FAM124A: variants seen among roughly 807,000 people sequenced by gnomAD.
The protein encoded by FAM124A is family with sequence similarity 124 member A, also known as protein FAM124A.
In FAM124A, 23 loss-of-function variants were observed where a neutral mutation model predicts 24.5. That is an observed-to-expected ratio of 0.94 (90% confidence interval 0.68 to 1.33). FAM124A has a LOEUF of 1.33. FAM124A is among the 40% of genes most tolerant of loss of function. The pLI is 0.00. For synonymous variants in FAM124A, 287 were observed against 314.7 expected (o/e 0.91, Z 0.93); for missense variants, 623 against 722.8 (o/e 0.86, Z 1.58).
intron 2 of FAM124A, among the ~76,000 whole-genome samples, chr13:51,233,516 A>G (rs1954401078): frequency 1.4e-5 from 2 of 144,384 alleles, no homozygotes; most frequent in South Asian, 4.8e-4. Flanking sequence ...CTATGGTTCC[A>G]TTAATAAGGA....
In FAM124A at chr13:51,281,121, C is replaced by T. The variant is rs541454271; in HGVS notation, c.1506C>T (p.Ser502=). The change falls in exon 4 of 4, where the codon AGC becomes AGT. Residue 502 remains serine, a synonymous_variant. Coordinates refer to ENST00000322475, the MANE Select transcript of FAM124A (RefSeq NM_001242312.2). ...CTCGTGCTGCTCCCCCAGCTCCCAG[C>T]ACCTCCACCCTCACAGACTCCTCCC... ...ATARAAPPAP[S]TSTLTDSSPQ... 2 of 1,614,120 alleles carry T rather than the reference C, an allele frequency of 1.2e-6. No homozygotes were observed. The highest frequency in any genetic ancestry group is 2.2e-5 in the South Asian group (2 of 91,080).
At chr13:51,255,698 G>T (rs1954668055) in intron 3 of FAM124A, among the ~76,000 whole-genome samples, 1 of 152,080 alleles carries the variant, frequency 6.6e-6, no homozygotes, top group Non-Finnish European at 1.5e-5. Context: ...CACAGCAGGG[G>T]ACTCACAAGG....
chr13:51,227,090 T>G (rs1954322435), intron 1 of FAM124A, among the ~76,000 whole-genome samples: 1 of 152,208 alleles, frequency 6.6e-6, no homozygotes, highest in Non-Finnish European at 1.5e-5. Context: ...AACTTAGAGT[T>G]TTATTTAATA....
At chr13:51,259,933 G>T (rs758697800) in intron 3 of FAM124A, among the ~76,000 whole-genome samples, 20 of 152,336 alleles carry the variant, frequency 1.3e-4, no homozygotes, top group Non-Finnish European at 2.5e-4. Context: ...GCTGGTAGGG[G>T]TGTGTGCAGG....
At chr13:51,280,307 T>A (rs1337353046) in intron 3 of FAM124A, 143 bp from the exon 4 acceptor site, 3 of 751,826 alleles carry the variant, frequency 4.0e-6, no homozygotes, top group Non-Finnish European at 6.3e-6. Flanking sequence ...CTGTCTTTGC[T>A]CTAGAGATTG....
intron 2 of FAM124A, among the ~76,000 whole-genome samples, chr13:51,250,112 TA>T (rs1438323695): frequency 9.9e-5 from 15 of 152,252 alleles, no homozygotes; most frequent in African/African-American, 3.6e-4. Flanking sequence ...TTGATCTGAT[TA>T]AATTAAAACC....
rs542894270 is a variant in FAM124A, at chr13:51,264,637, TA to T, written c.834+12449del. Among the ~76,000 whole-genome samples, 921 of 146,052 alleles carry T rather than the reference TA, an allele frequency of 6.3e-3. 9 individuals are homozygous for T. Among genetic ancestry groups the T allele is most frequent in the South Asian group, 0.029 (136 of 4,628 alleles). On this transcript the variant is annotated intron_variant, in intron 3 of 3. Coordinates refer to ENST00000322475, the MANE Select transcript of FAM124A (RefSeq NM_001242312.2). ...ACAACACAGCAAGACCATATCTCTT[TA>T]AAAAAAAAAAAATTGCATACACTGT... is the stretch of plus-strand genomic sequence containing the variant.
intron 2 of FAM124A, among the ~76,000 whole-genome samples, chr13:51,243,007 G>T (rs4942983): frequency 6.6e-6 from 1 of 152,072 alleles, no homozygotes; most frequent in Non-Finnish European, 1.5e-5. Context: ...CCTAGGTTCA[G>T]TTCTTCAATT....
In FAM124A at chr13:51,280,808, G is replaced by A; in HGVS notation, c.1193G>A (p.Gly398Asp). ...CACAGGGCATCAGAGTGGAGGCATG[G>A]CCACCTCCTCTCCATCGATGACCTA... is the stretch of plus-strand genomic sequence containing the variant. ...PGHRASEWRHGHLLSIDDLEG... is the reference protein window; with the variant it reads ...PGHRASEWRHDHLLSIDDLEG... Residue 398 changes from glycine to aspartate, a missense_variant, in exon 4 of 4, where the codon GGC becomes GAC. Gly to Asp is a moderately conservative substitution (Grantham distance 94). Coordinates refer to ENST00000322475, the MANE Select transcript of FAM124A (RefSeq NM_001242312.2). 1 of 1,614,090 alleles carries A rather than the reference G, an allele frequency of 6.2e-7. No individual in the cohort carries two copies. Among genetic ancestry groups the A allele is most frequent in the Middle Eastern group, 1.6e-4 (1 of 6,062 alleles).
rs1954617942 is a variant in FAM124A at position 51,251,405 on chromosome 13, G to A, written c.101-63G>A. 1.4e-6 allele frequency: 2 copies of A among 1,470,686 alleles called. No homozygotes were observed. Among genetic ancestry groups the A allele is most frequent in the Admixed American group, 2.4e-5 (1 of 41,204 alleles). The allele number at this position is 1,470,686 out of a possible 1,614,324, so 91.1% of individuals were successfully genotyped here. On this transcript the variant is annotated intron_variant, in intron 2 of 3. Transcript: ENST00000322475. This position sits in a 1 kb window ranked among gnomAD's most constrained non-coding sequence, Gnocchi z 5.3. The stretch of plus-strand genomic sequence containing the variant: ...GTCAAGCCTGTACACGTCATCACTG[G>A]ACACTTTAATGAAATAATCATAATT...
At chr13:51,222,696 A>G in intron 1 of FAM124A, 127 bp downstream of exon 1, 1 of 973,834 alleles carries the variant, frequency 1.0e-6, no homozygotes, top group Non-Finnish European at 1.3e-6. Context: ...CTCCTGCCGG[A>G]TCCCCCGCTC....
chr13:51,238,434 ATC>A (rs953610100), intron 2 of FAM124A, among the ~76,000 whole-genome samples: 3 of 152,328 alleles, frequency 2.0e-5, no homozygotes, highest in African/African-American at 7.2e-5. Context: ...GCTTATCTGA[ATC>A]TCTTACTTTT....
At chr13:51,240,775 T>C (rs1017622814) in intron 2 of FAM124A, among the ~76,000 whole-genome samples, 1 of 152,246 alleles carries the variant, frequency 6.6e-6, no homozygotes, top group African/African-American at 2.4e-5. Flanking sequence ...GAACTTCATC[T>C]TGAGCTGCCG....
In FAM124A at chr13:51,249,554, C is replaced by T. The variant is rs765295531; in HGVS notation, c.101-1914C>T. Among the ~76,000 whole-genome samples, 80 of 152,218 alleles carry T rather than the reference C, an allele frequency of 5.3e-4. 2 individuals carry two copies. The highest frequency in any genetic ancestry group is 5.9e-4 in the Admixed American group (9 of 15,294). On this transcript the variant is annotated intron_variant, in intron 2 of 3. Coordinates refer to ENST00000322475, the MANE Select transcript of FAM124A (RefSeq NM_001242312.2). The stretch of plus-strand genomic sequence containing the variant: ...AACAGACTATTCTCTTATACATGGC[C>T]CTGCAGCAAAATGGTTATTTTATGT...
chr13:51,266,241 A>G (rs1954784901), intron 3 of FAM124A, among the ~76,000 whole-genome samples: 1 of 152,372 alleles, frequency 6.6e-6, no homozygotes, highest in African/African-American at 2.4e-5. Flanking sequence ...TATAAAAGCT[A>G]TCATCTGCTA....
intron 2 of FAM124A, among the ~76,000 whole-genome samples, chr13:51,236,383 T>C (rs1954435527): frequency 6.6e-6 from 1 of 152,246 alleles, no homozygotes; most frequent in African/African-American, 2.4e-5. Flanking sequence ...GCCTTCTCCC[T>C]TTAGTTTCTC....
At chr13:51,260,064 C>A (rs1351947320) in intron 3 of FAM124A, among the ~76,000 whole-genome samples, 1 of 152,018 alleles carries the variant, frequency 6.6e-6, no homozygotes, top group Non-Finnish European at 1.5e-5. Context: ...CAGGAGGTGT[C>A]CGGGAGGAGG....
chr13:51,222,603 G>A (rs1417491775), intron 1 of FAM124A, 34 bp downstream of exon 1: 4 of 1,218,186 alleles, frequency 3.3e-6, no homozygotes, highest in Admixed American at 4.3e-5. Flanking sequence ...CGGGCGGGGG[G>A]CGCTCTCCGA....
intron 3 of FAM124A, among the ~76,000 whole-genome samples, chr13:51,262,718 G>T (rs1593605579): frequency 2.0e-5 from 3 of 152,112 alleles, no homozygotes; most frequent in African/African-American, 7.2e-5. Context: ...GGTCCCCTGG[G>T]ACTTTATGTG....
Sources: gnomAD v4.1 joint callset for allele counts (sites outside exome capture counted in the v4.1 genomes callset) on GRCh38, gnomAD v4.1.1 for gene constraint, Gnocchi (gnomAD v3.1) non-coding constraint, MANE v1.5 for transcripts, NCBI Gene and HGNC (gene_info 2026-07-23, HGNC 2026-07-21) for gene names.